The following BIRC6 variants were observed in gnomAD, a reference collection of about 807,000 sequenced individuals.
The protein encoded by BIRC6 is dual E2 ubiquitin-conjugating enzyme/E3 ubiquitin-protein ligase BIRC6.
A neutral mutation model predicts 503.3 loss-of-function variants in BIRC6; 98 were observed. The ratio of observed to expected loss-of-function variants is 0.19; its 90% CI spans 0.17 to 0.23. BIRC6 has a LOEUF of 0.23. Among genes scored for constraint, BIRC6 ranks in the 10% least tolerant of loss-of-function variants. BIRC6 has a pLI of 1.00. For synonymous variants in BIRC6, 2,240 were observed against 2,078.7 expected (o/e 1.08, Z -2.11); for missense variants, 5,360 against 5,806.0 (o/e 0.92, Z 2.50).
chr2:32,561,084 GCT>G (rs2059143751), intron 65 of BIRC6, among the ~76,000 whole-genome samples: 1 of 151,648 alleles, frequency 6.6e-6, no homozygotes, highest in Non-Finnish European at 1.5e-5. Flanking sequence ...TGTAGTCCCA[GCT>G]ACTTGGGAGG....
chr2:32,506,825 T>TACTTAATC (rs1167380887), intron 50 of BIRC6, among the ~76,000 whole-genome samples: 3 of 152,184 alleles, frequency 2.0e-5, no homozygotes, highest in African/African-American at 4.8e-5. Context: ...GAGCGTGGAT[T>TACTTAATC]ACTTAATCTC....
chr2:32,599,822 T>C lies in BIRC6; in HGVS notation c.13914T>C (p.Ser4638=). 1 of 1,613,924 alleles carries C rather than the reference T, an allele frequency of 6.2e-7. No homozygotes were observed. The highest frequency in any genetic ancestry group is 1.1e-5 in the South Asian group (1 of 91,082). Residue 4638 remains serine (S), a synonymous_variant, in exon 70 of 74, where the codon AGT becomes AGC. Transcript: ENST00000421745. ...FDVYFPQDYP[S]SPPLVNLETT... is the part of the protein sequence containing the mutation. The stretch of plus-strand genomic sequence containing the variant: ...TGTATTTTCCTCAAGATTATCCCAG[T>C]TCACCCCCTCTTGTGAATCTAGAGA...
chr2:32,444,716 T>A (rs1300822930), intron 20 of BIRC6, among the ~76,000 whole-genome samples: 1 of 152,152 alleles, frequency 6.6e-6, no homozygotes, highest in African/African-American at 2.4e-5. Context: ...GTTACCTCAG[T>A]GAGTTATATA....
chr2:32,479,276 C>T (rs2050116496), intron 36 of BIRC6, among the ~76,000 whole-genome samples, 186 bp from the exon 37 acceptor site: 1 of 152,202 alleles, frequency 6.6e-6, no homozygotes, highest in Non-Finnish European at 1.5e-5. Context: ...TTGTCTCTAG[C>T]ATTTGAAAGT....
intron 71 of BIRC6, 80 bp downstream of exon 71, chr2:32,603,163 A>G: frequency 2.9e-6 from 3 of 1,021,212 alleles, no homozygotes; most frequent in East Asian, 5.2e-5. Context: ...GTGACCAAGA[A>G]TAAATATAGT....
intron 59 of BIRC6, among the ~76,000 whole-genome samples, 198 bp downstream of exon 59, chr2:32,525,826 A>T (rs930366234): frequency 1.3e-5 from 2 of 152,136 alleles, no homozygotes; most frequent in African/African-American, 4.8e-5. Context: ...CCTTTTTAAC[A>T]CTATCAAGTT....
chr2:32,509,990 T>G lies in BIRC6; in HGVS notation c.10233T>G (p.Pro3411=), dbSNP rs1204908445. The G allele has an allele frequency of 1.2e-6, 2 of 1,613,016 alleles. No individual in the cohort carries two copies. The highest frequency in any genetic ancestry group is 3.3e-5 in the Admixed American group (2 of 59,788). The part of the protein sequence containing the change: ...LRNCAASGSD[P]TDLNSPLLFG... Reference sequence around the variant, plus strand: ...ATTGTGCAGCATCAGGCAGTGATCCTACAGGTGATAATTAACTTTGATATT... The same window carrying G: ...ATTGTGCAGCATCAGGCAGTGATCCGACAGGTGATAATTAACTTTGATATT... The change falls in exon 52 of 74, where the codon CCT becomes CCG. Residue 3411 remains proline, a synonymous_variant. Transcript: ENST00000421745.
intron 1 of BIRC6, among the ~76,000 whole-genome samples, chr2:32,360,915 T>C (rs1478620636): frequency 1.3e-5 from 2 of 151,960 alleles, no homozygotes; most frequent in Non-Finnish European, 2.9e-5. Flanking sequence ...TGTATGTATA[T>C]ATTTATTTAT....
At chr2:32,451,339 A>G (rs938999997) in intron 22 of BIRC6, among the ~76,000 whole-genome samples, 5 of 152,154 alleles carry the variant, frequency 3.3e-5, no homozygotes, top group African/African-American at 4.8e-5. Context: ...AGTGTGTTCT[A>G]TAGACCCCCA....
At chr2:32,385,483 T>C (rs754964166) in intron 3 of BIRC6, among the ~76,000 whole-genome samples, 1 of 152,240 alleles carries the variant, frequency 6.6e-6, no homozygotes, top group Non-Finnish European at 1.5e-5. Flanking sequence ...CGTAGATAGA[T>C]ATTAATCTCT....
chr2:32,499,840 A>G lies in BIRC6; in HGVS notation c.8762A>G (p.Asp2921Gly), dbSNP rs1224225691. 5 of 1,613,928 alleles carry G rather than the reference A, an allele frequency of 3.1e-6. No homozygotes were observed. In the African/African-American group the frequency reaches 6.7e-5, roughly 22 times the overall value. ...ATGACAAGAGATCAACTCATGTTTG[A>G]TTTGTTAAAACTTGTTAACATTTTA... Reference protein sequence around the residue: ...GEMTRDQLMFDLLKLVNILVQ... With the variant: ...GEMTRDQLMFGLLKLVNILVQ... The change falls in exon 46 of 74, where the codon GAT becomes GGT. Residue 2921 changes from aspartate to glycine, a missense_variant. This residue lies in a region of BIRC6 where 2,299 missense variants were observed against 2,267.2 expected (regional missense o/e 1.01). Transcript: ENST00000421745.
rs970389520 is a variant in BIRC6 at position 32,493,801 on chromosome 2, G to A, written c.8468+134G>A. 7 of 656,070 alleles carry A rather than the reference G, an allele frequency of 1.1e-5. No individual in the cohort carries two copies. The African/African-American group carries it at 1.1e-4, about 10-fold the overall frequency. The allele number at this position is 656,070 out of a possible 1,614,324, so 40.6% of individuals were successfully genotyped here. A position where few individuals can be genotyped will look rare whatever the true frequency, so the allele number is the denominator to read the frequency against. Reference sequence around the variant, plus strand: ...GAGGACGGTAGTAATTAAGGGGGAAGGATATATTGGTGTGTTTCCTGATTG... The same window carrying A: ...GAGGACGGTAGTAATTAAGGGGGAAAGATATATTGGTGTGTTTCCTGATTG... On this transcript the variant is annotated intron_variant, in intron 45 of 73. Coordinates refer to ENST00000421745, the MANE Select transcript of BIRC6 (RefSeq NM_016252.4).
At chr2:32,518,501 G>A in intron 56 of BIRC6, 104 bp downstream of exon 56, 2 of 1,202,962 alleles carry the variant, frequency 1.7e-6, no homozygotes, top group Non-Finnish European at 2.3e-6. Flanking sequence ...GTATAGCAAA[G>A]TGAAACTAGC....
chr2:32,477,878 T>C (rs370337540), intron 35 of BIRC6, among the ~76,000 whole-genome samples: 3 of 152,284 alleles, frequency 2.0e-5, no homozygotes, highest in South Asian at 2.1e-4. Flanking sequence ...TCTTAAAAGA[T>C]GAAAAAAATT....
rs34996177 is a variant in BIRC6, at chr2:32,415,972, C to A, written c.2681C>A (p.Thr894Lys). Residue 894 changes from threonine to lysine, a missense_variant, in exon 10 of 74, where the codon ACG becomes AAG. Transcript: ENST00000421745. ...AAGAATGGTTTTGAGAGAGAAAAAA[C>A]GTCTGACATTTCTACTCTTGGACAC... is the stretch of plus-strand genomic sequence containing the variant. The part of the protein sequence containing the change: ...TSKNGFEREK[T>K]SDISTLGHLV... The A allele has an allele frequency of 6.2e-7, 1 of 1,613,634 alleles. No homozygotes were observed. Among genetic ancestry groups the A allele is most frequent in the African/African-American group, 1.3e-5 (1 of 74,978 alleles).
intron 37 of BIRC6, 85 bp downstream of exon 37, chr2:32,479,702 G>T: frequency 8.1e-7 from 1 of 1,233,816 alleles, no homozygotes; most frequent in Non-Finnish European, 1.1e-6. Flanking sequence ...AAATAAAGTT[G>T]ATTTTTATAT....
At chr2:32,429,925 AGGTTATT>A (rs2147937653) in intron 11 of BIRC6, among the ~76,000 whole-genome samples, 1 of 152,294 alleles carries the variant, frequency 6.6e-6, no homozygotes, top group African/African-American at 2.4e-5. Flanking sequence ...CATATTTTAT[AGGTTATT>A]GGTTGAATGG....
chr2:32,528,414 G>C (rs531690873), intron 59 of BIRC6: 1 of 152,272 alleles, frequency 6.6e-6, no homozygotes, highest in Non-Finnish European at 1.5e-5. Context: ...GATAGAGACG[G>C]GGTTTCACCA....
rs961293316 is a variant in BIRC6, at chr2:32,473,164, A to G, written c.6645A>G (p.Arg2215=). ...ATCTACACACTCAGAGCTTAAATAG[A>G]TCTTCTAAAGGCAGCAGTAGCCTTG... ...NNNLHTQSLN[R]SSKGSSSLDR... The change falls in exon 33 of 74, where the codon AGA becomes AGG. Residue 2215 remains arginine (R), a synonymous_variant. Coordinates refer to ENST00000421745, the MANE Select transcript of BIRC6 (RefSeq NM_016252.4). 6.3e-7 allele frequency: 1 copy of G among 1,578,508 alleles called. No homozygotes were observed. Among genetic ancestry groups the G allele is most frequent in the Non-Finnish European group, 8.6e-7 (1 of 1,159,052 alleles).
Sources: allele counts gnomAD v4.1 joint callset (sites outside exome capture counted in the v4.1 genomes callset), GRCh38; gene constraint gnomAD v4.1.1; regional missense constraint gnomAD v4.1.1; transcripts MANE v1.5; gene names NCBI Gene and HGNC (gene_info 2026-07-23, HGNC 2026-07-21).